Variants in SPOCK3 observed in about 807,000 individuals in gnomAD.
The protein encoded by SPOCK3 is testican-3.
A neutral mutation model predicts 56.6 loss-of-function variants in SPOCK3; 30 were observed. That is an observed-to-expected ratio of 0.53 (90% CI 0.40 to 0.72). The LOEUF (loss-of-function observed/expected upper bound fraction) is 0.72. Ranked by LOEUF, SPOCK3 falls within the 30% of genes least tolerant of loss-of-function variation. SPOCK3 has a pLI of 0.00. For synonymous variants in SPOCK3, 196 were observed against 183.3 expected, an observed-to-expected ratio of 1.07 and a Z score of -0.56; for missense variants, 527 against 530.0, an observed-to-expected ratio of 0.99 and a Z score of 0.06.
At chr4:166,797,041 T>G (rs962037668) in intron 6 of SPOCK3, among the ~76,000 whole-genome samples, 1 of 152,160 alleles carries the variant, frequency 6.6e-6, no homozygotes, top group Admixed American at 6.5e-5. Flanking sequence ...TAAGACAAAG[T>G]GCTCTGATGG....
intron 2 of SPOCK3, among the ~76,000 whole-genome samples, chr4:167,106,713 T>G (rs868594606): frequency 1.3e-5 from 2 of 150,430 alleles, no homozygotes; most frequent in Admixed American, 6.6e-5. Flanking sequence ...AAAAGTTGTT[T>G]TTTTTTTTTG....
intron 2 of SPOCK3, among the ~76,000 whole-genome samples, chr4:167,158,867 T>A (rs1232819410): frequency 6.6e-6 from 1 of 152,018 alleles, no homozygotes; most frequent in East Asian, 1.9e-4. Context: ...TTATTTTGTT[T>A]ATTGTCTGTT....
intron 6 of SPOCK3, among the ~76,000 whole-genome samples, chr4:166,838,638 CTT>C (rs761388645): frequency 6.7e-6 from 1 of 148,844 alleles, no homozygotes; most frequent in Non-Finnish European, 1.5e-5. Flanking sequence ...ACTGAAATAT[CTT>C]TATCATTGCT....
intron 6 of SPOCK3, among the ~76,000 whole-genome samples, chr4:166,813,451 A>G (rs1744051918): frequency 1.3e-5 from 2 of 152,070 alleles, no homozygotes; most frequent in Non-Finnish European, 1.5e-5. Context: ...AAATTATTAC[A>G]TAGCAACTAG....
At position 167,234,080 on chromosome 4, in the gene SPOCK3, GC is replaced by G. The variant is rs34708130; in HGVS notation, c.93del (p.Arg32GlyfsTer49). ...AAAAAVAAAG[G>X]RSDGGNFLDD... ...TCCAGAAAATTACCGCCGTCCGACCGCCCCCCGGCTGCAGCCACCGCCGCGG... is the reference window on the plus strand; with the variant it reads ...TCCAGAAAATTACCGCCGTCCGACCGCCCCCGGCTGCAGCCACCGCCGCGG... On this transcript the variant is annotated frameshift_variant, in exon 2 of 11. Transcript: ENST00000357545. LOFTEE classifies it high-confidence loss of function. 3 of 1,613,474 alleles carry G rather than the reference GC, an allele frequency of 1.9e-6. No individual in the cohort carries two copies. In the South Asian group the frequency reaches 3.3e-5, roughly 18 times the overall value.
intron 4 of SPOCK3, among the ~76,000 whole-genome samples, chr4:166,931,216 A>G (rs552395783): frequency 7.2e-4 from 109 of 152,078 alleles, no homozygotes; most frequent in African/African-American, 2.4e-3. Flanking sequence ...TCTTGACTTC[A>G]AGTGATCTGC....
At chr4:166,793,552 G>A (rs1388778579) in intron 6 of SPOCK3, among the ~76,000 whole-genome samples, 1 of 151,880 alleles carries the variant, frequency 6.6e-6, no homozygotes, top group African/African-American at 2.4e-5. Context: ...TGTGGGCCAT[G>A]AGTTGGACAA....
At chr4:166,742,208 AT>A (rs1295097750) in intron 8 of SPOCK3, 149 bp from the exon 9 acceptor site, 1 of 593,054 alleles carries the variant, frequency 1.7e-6, no homozygotes, top group Non-Finnish European at 3.0e-6. Context: ...ATACATTCAT[AT>A]AGGTACATAC....
At chr4:167,133,386 A>G (rs1304942831) in intron 2 of SPOCK3, among the ~76,000 whole-genome samples, 1 of 152,202 alleles carries the variant, frequency 6.6e-6, no homozygotes. Flanking sequence ...GTTTAGCCTC[A>G]TCAGACCAGC....
intron 10 of SPOCK3, among the ~76,000 whole-genome samples, chr4:166,737,067 A>G (rs1288433166): frequency 6.6e-6 from 1 of 152,116 alleles, no homozygotes; most frequent in Non-Finnish European, 1.5e-5. Flanking sequence ...GAACCCACAT[A>G]TTCCCTAAGT....
intron 7 of SPOCK3, among the ~76,000 whole-genome samples, chr4:166,777,650 T>C (rs1435925244): frequency 1.3e-5 from 2 of 152,066 alleles, no homozygotes; most frequent in Non-Finnish European, 2.9e-5. Flanking sequence ...GGCAGGAGGA[T>C]CACTTGAGCC....
At chr4:167,039,363 C>T (rs541177972) in intron 3 of SPOCK3, among the ~76,000 whole-genome samples, 4 of 152,224 alleles carry the variant, frequency 2.6e-5, no homozygotes, top group Admixed American at 6.5e-5. Context: ...GTATCTTCTG[C>T]GGGGACATAA....
chr4:166,838,134 G>A (rs1394309966), intron 6 of SPOCK3, among the ~76,000 whole-genome samples: 2 of 152,176 alleles, frequency 1.3e-5, no homozygotes, highest in East Asian at 3.9e-4. Context: ...GTTTGACTTT[G>A]ATTTGTCTTG....
At chr4:167,207,461 T>A (rs192273743) in intron 2 of SPOCK3, among the ~76,000 whole-genome samples, 8 of 152,254 alleles carry the variant, frequency 5.3e-5, no homozygotes, top group African/African-American at 1.9e-4. Context: ...TACTACATCA[T>A]ATGTCATGTA....
chr4:166,907,682 CCTCG>C (rs561380483), intron 5 of SPOCK3, among the ~76,000 whole-genome samples: 75 of 152,206 alleles, frequency 4.9e-4, no homozygotes, highest in African/African-American at 1.7e-3. Flanking sequence ...TAGAGGTTTA[CCTCG>C]CAGAATATGA....
chr4:166,951,239 A>T (rs1407653712), intron 4 of SPOCK3, among the ~76,000 whole-genome samples: 1 of 142,096 alleles, frequency 7.0e-6, no homozygotes, highest in African/African-American at 2.9e-5. Context: ...ATAAAAAATG[A>T]TAAAGGGGAT....
intron 2 of SPOCK3, among the ~76,000 whole-genome samples, chr4:167,108,970 TATAA>T (rs1263241756): frequency 4.5e-5 from 3 of 67,150 alleles, no homozygotes; most frequent in African/African-American, 7.1e-5. Context: ...TATATAAATA[TATAA>T]ATATTATAAA....
chr4:167,010,127 A>C (rs2150143055), intron 3 of SPOCK3, among the ~76,000 whole-genome samples: 1 of 152,310 alleles, frequency 6.6e-6, no homozygotes, highest in Non-Finnish European at 1.5e-5. Flanking sequence ...GTTTGTTTTC[A>C]GGGAACAACC....
intron 2 of SPOCK3, among the ~76,000 whole-genome samples, chr4:167,176,641 C>T (rs758427467): frequency 2.6e-5 from 4 of 151,866 alleles, no homozygotes; most frequent in South Asian, 4.1e-4. Flanking sequence ...GGTATCAATT[C>T]GCTATATCCC....
Sources: gnomAD v4.1 joint callset for allele counts (sites outside exome capture counted in the v4.1 genomes callset) on GRCh38, gnomAD v4.1.1 for gene constraint, MANE v1.5 for transcripts, NCBI Gene and HGNC (gene_info 2026-07-23, HGNC 2026-07-21) for gene names.